Variants in TTN observed in about 807,000 individuals in gnomAD.
TTN encodes the protein connectin.
Under a neutral mutation model 3,223.0 loss-of-function variants are expected in TTN, and 1,525 were observed. That is an observed-to-expected ratio of 0.47 (90% CI 0.45 to 0.49). The LOEUF (loss-of-function observed/expected upper bound fraction) is 0.49, where lower values mean the gene tolerates loss of function less well. Ranked by LOEUF, TTN falls within the 20% of genes least tolerant of loss-of-function variation. The pLI is 0.00. For synonymous variants in TTN, 14,094 were observed against 15,161.0 expected (o/e 0.93, Z 5.17); for missense variants, 40,786 against 43,424.0 (o/e 0.94, Z 5.40).
chr2:178,639,588 G>A, intron 223 of TTN, 111 bp downstream of exon 223: 2 of 1,111,796 alleles, frequency 1.8e-6, no homozygotes, highest in East Asian at 2.6e-5. Context: ...CTCCGAAGTT[G>A]AAATGATACC....
rs2047746569 is a variant in TTN at position 178,581,527 on chromosome 2, T to C, written c.66741A>G (p.Pro22247=). The change falls in exon 316 of 363, where the codon CCA becomes CCG. Residue 22247 remains proline, a synonymous_variant. Transcript: ENST00000589042. ...AGATGTCCTTGGGATAGTGTTTATC[T>C]GGCACATCACTGGGGTCACTGTATC... ...KIGYSDPSDV[P]DKHYPKDILI... The C allele has an allele frequency of 6.2e-7, 1 of 1,606,054 alleles. No homozygotes were observed. The highest frequency in any genetic ancestry group is 8.5e-7 in the Non-Finnish European group (1 of 1,174,310).
rs2050058543 is a variant in TTN, at chr2:178,590,855, C to T, written c.60870G>A (p.Val20290=). ...VTDITENAAT[V]SWTLPKSDGG... is the part of the protein sequence containing the mutation. ...CATCAGATTTTGGCAGGGTCCAAGA[C>T]ACTGTTGCTGCATTTTCAGTAATGT... The change falls in exon 304 of 363, where the codon GTG becomes GTA. Residue 20290 remains valine, a synonymous_variant. Coordinates refer to ENST00000589042, the MANE Select transcript of TTN (RefSeq NM_001267550.2). 2 of 1,609,862 alleles carry T rather than the reference C, an allele frequency of 1.2e-6. No homozygotes were observed. The highest frequency in any genetic ancestry group is 1.7e-6 in the Non-Finnish European group (2 of 1,176,736).
chr2:178,563,305 G>A lies in TTN; in HGVS notation c.82827C>T (p.Val27609=). The A allele has an allele frequency of 6.2e-7, 1 of 1,613,560 alleles. No individual in the cohort carries two copies. Among genetic ancestry groups the A allele is most frequent in the Non-Finnish European group, 8.5e-7 (1 of 1,179,696 alleles). ...GAPVKGYVVE[V]KEAAADEWTT... ...TCCATTCATCCGCAGCAGCTTCTTT[G>A]ACCTCTACAACATAGCCTTTAACAG... The change falls in exon 326 of 363, where the codon GTC becomes GTT. Residue 27609 remains valine (V), a synonymous_variant. Transcript: ENST00000589042. This position sits in a 1 kb window ranked among gnomAD's most constrained non-coding sequence, Gnocchi z 4.5.
At chr2:178,707,891 G>C (rs996966003) in intron 99 of TTN, 78 bp from the exon 100 acceptor site, 1 of 1,475,052 alleles carries the variant, frequency 6.8e-7, no homozygotes, top group African/African-American at 1.4e-5. Flanking sequence ...CAAATAAAGA[G>C]AAAAACTGGC....
chr2:178,749,921 A>C, intron 47 of TTN: 1 of 1,613,180 alleles, frequency 6.2e-7, no homozygotes, highest in South Asian at 1.1e-5. Flanking sequence ...TTCTTGTAAC[A>C]TTTTTGGTGG....
rs1702769659 is a variant in TTN at position 178,559,390 on chromosome 2, G to A, written c.86742C>T (p.Ile28914=). ...YKVTNLQEGA[I]YYFRVSGENE... is the part of the protein sequence containing the mutation. The stretch of plus-strand genomic sequence containing the variant: ...TTTCTCCAGAGACTCTGAAGTAATA[G>A]ATAGCTCCTTCTTGTAAATTGGTAA... Residue 28914 remains isoleucine, a synonymous_variant, in exon 326 of 363, where the codon ATC becomes ATT. Transcript: ENST00000589042. 1.9e-6 allele frequency: 3 copies of A among 1,613,692 alleles called. No individual in the cohort carries two copies. Among genetic ancestry groups the A allele is most frequent in the Non-Finnish European group, 1.7e-6 (2 of 1,179,672 alleles).
In TTN at chr2:178,735,790, C is replaced by T. The variant is rs2154314388; in HGVS notation, c.14656G>A (p.Asp4886Asn). ...AATTCTTTAATGAAATGTGGCTTAT[C>T]AATGATGATCAACTCTGCTTGGCAG... is the stretch of plus-strand genomic sequence containing the variant. Reference protein sequence around the residue: ...DICQAELIIIDKPHFIKELEP... With the variant: ...DICQAELIIINKPHFIKELEP... The change falls in exon 50 of 363, where the codon GAT (aspartate) becomes AAT (asparagine). Residue 4886 changes from aspartate to asparagine, a missense_variant. Physicochemically the swap from Asp to Asn is conservative, Grantham distance 23 (BLOSUM62 1). Coordinates refer to ENST00000589042, the MANE Select transcript of TTN (RefSeq NM_001267550.2). 1.2e-6 allele frequency: 2 copies of T among 1,613,684 alleles called. No homozygotes were observed. Among genetic ancestry groups the T allele is most frequent in the Non-Finnish European group, 8.5e-7 (1 of 1,179,780 alleles).
rs778117761 is a variant in TTN, at chr2:178,593,141, A to G, written c.59035+32T>C. Reference sequence around the variant, plus strand: ...ATAGCTGAAAACAAAGTTAGATAACATGAAAACTGAATAAATCCATTAATA... The same window carrying G: ...ATAGCTGAAAACAAAGTTAGATAACGTGAAAACTGAATAAATCCATTAATA... On this transcript the variant is annotated intron_variant, in intron 299 of 362. Transcript: ENST00000589042. 3 of 1,610,734 alleles carry G rather than the reference A, an allele frequency of 1.9e-6. No homozygotes were observed. In the South Asian group the frequency reaches 3.3e-5, roughly 18 times the overall value.
In TTN at chr2:178,651,542, A is replaced by G. The variant is rs1360896652; in HGVS notation, c.39464-6T>C. The G allele has an allele frequency of 6.2e-7, 1 of 1,612,854 alleles. No individual in the cohort carries two copies. Among genetic ancestry groups the G allele is most frequent in the South Asian group, 1.1e-5 (1 of 90,884 alleles). The stretch of plus-strand genomic sequence containing the variant: ...CTCCTTGGGCACCTCGGGCACTATA[A>G]AAGATATTAGTAGTTGTTTAAGCTC... On this transcript the variant is annotated splice_polypyrimidine_tract_variant and splice_region_variant and intron_variant, in intron 206 of 362. Coordinates refer to ENST00000589042, the MANE Select transcript of TTN (RefSeq NM_001267550.2).
chr2:178,676,067 A>G, intron 147 of TTN, 72 bp from the exon 148 acceptor site: 1 of 1,375,374 alleles, frequency 7.3e-7, no homozygotes. Flanking sequence ...AAGACCCCAC[A>G]CCCAGAAAGA....
chr2:178,766,829 C>T (rs145822139), intron 40 of TTN, among the ~76,000 whole-genome samples: 1 of 152,296 alleles, frequency 6.6e-6, no homozygotes, highest in East Asian at 1.9e-4. Context: ...ATTGTGTTTA[C>T]AGCTGCATGG....
Position 178,587,182 on chromosome 2 carries a change from G to A in TTN, c.64029C>T (p.Val21343=). 6.2e-7 allele frequency: 1 copy of A among 1,613,262 alleles called. No individual in the cohort carries two copies. Among genetic ancestry groups the A allele is most frequent in the Non-Finnish European group, 8.5e-7 (1 of 1,179,460 alleles). Residue 21343 remains valine (V), a synonymous_variant, in exon 307 of 363, where the codon GTC becomes GTT. Coordinates refer to ENST00000589042, the MANE Select transcript of TTN (RefSeq NM_001267550.2). ...GNEYYFRVTA[V]NEYGPGVPTD... ...TTGGGACGCCAGGGCCATATTCGTT[G>A]ACAGCAGTTACTCTGAAGTAATACT... is the stretch of plus-strand genomic sequence containing the variant.
chr2:178,608,545 A>G, intron 274 of TTN, 61 bp downstream of exon 274: 3 of 1,568,114 alleles, frequency 1.9e-6, no homozygotes, highest in Non-Finnish European at 2.6e-6. Context: ...TAAAAGCTGT[A>G]GTAATTATAT....
At chr2:178,598,086 A>G (rs1174548945) in intron 292 of TTN, 28 bp from the exon 293 acceptor site, 8 of 1,602,454 alleles carry the variant, frequency 5.0e-6, no homozygotes, top group Non-Finnish European at 6.8e-6. Flanking sequence ...ACATTTTATA[A>G]TTAGAATAGT....
At chr2:178,726,082 C>T (rs778364640) in intron 69 of TTN, 36 bp from the exon 70 acceptor site, 45 of 1,488,928 alleles carry the variant, frequency 3.0e-5, no homozygotes, top group Non-Finnish European at 3.8e-5. Context: ...AATTGGGCTA[C>T]TGAATTTCAC....
chr2:178,694,471 G>T, intron 117 of TTN, 128 bp downstream of exon 117: 1 of 566,774 alleles, frequency 1.8e-6, no homozygotes, highest in African/African-American at 1.9e-5. Context: ...CATAAAATTT[G>T]TATTATGTAA....
chr2:178,651,114 C>T, intron 208 of TTN, 129 bp downstream of exon 208: 1 of 756,356 alleles, frequency 1.3e-6, no homozygotes, highest in Admixed American at 2.9e-5. Flanking sequence ...GTATTCAGAC[C>T]CTAAAAATCC....
intron 49 of TTN, chr2:178,737,824 C>A: frequency 2.8e-6 from 1 of 362,528 alleles, no homozygotes; most frequent in East Asian, 4.4e-5. Flanking sequence ...ATATGAAGGG[C>A]CAAGCTGAGC....
intron 10 of TTN, among the ~76,000 whole-genome samples, chr2:178,791,082 T>G (rs2093465949): frequency 6.6e-6 from 1 of 152,218 alleles, no homozygotes; most frequent in Non-Finnish European, 1.5e-5. Flanking sequence ...ATATCTCATC[T>G]TGAGACATGT....
Sources: allele counts gnomAD v4.1 joint callset (sites outside exome capture counted in the v4.1 genomes callset), GRCh38; gene constraint gnomAD v4.1.1; non-coding constraint Gnocchi (gnomAD v3.1); transcripts MANE v1.5; gene names NCBI Gene and HGNC (gene_info 2026-07-23, HGNC 2026-07-21).